The following RPL13 variants were observed in gnomAD, a reference collection of about 807,000 sequenced individuals.
The protein encoded by RPL13 is large ribosomal subunit protein eL13.
In RPL13, 1 loss-of-function variant was observed where a neutral mutation model predicts 21.4. The observed-to-expected ratio is 0.05, with a 90% CI of 0.02 to 0.22. The LOEUF (loss-of-function observed/expected upper bound fraction) is 0.22. Ranked by LOEUF, RPL13 falls within the 10% of genes least tolerant of loss-of-function variation. RPL13 has a pLI of 1.00. For missense variants in RPL13, 289 were observed against 303.0 expected (o/e 0.95, Z 0.34); for synonymous variants, 143 against 120.5 (o/e 1.19, Z -1.23).
chr16:89,561,160 A>G (rs1405737468), intron 2 of RPL13, 67 bp from the exon 3 acceptor site: 11 of 1,512,302 alleles, frequency 7.3e-6, no homozygotes, highest in East Asian at 5.0e-5. Flanking sequence ...GCTGTCTGCA[A>G]CCGTCGCGGA....
In RPL13 at chr16:89,562,463, G is replaced by A. The variant is rs187024112; in HGVS notation, c.477+72G>A. Reference sequence around the variant, plus strand: ...GTGAACACGTGGGTATCTGAGATGCGGGTGATGGGGGTCAGGCTTAAGAAC... The same window carrying A: ...GTGAACACGTGGGTATCTGAGATGCAGGTGATGGGGGTCAGGCTTAAGAAC... On this transcript the variant is annotated intron_variant, in intron 5 of 5. Coordinates refer to ENST00000311528, the MANE Select transcript of RPL13 (RefSeq NM_000977.4). 835 of 1,412,748 alleles carry A rather than the reference G, an allele frequency of 5.9e-4. No homozygotes were observed. Among genetic ancestry groups the A allele is most frequent in the Non-Finnish European group, 7.3e-4 (745 of 1,021,382 alleles). 87.5% of individuals were successfully genotyped at this position (1,412,748 alleles called of 1,614,324 possible).
At position 89,563,452 on chromosome 16, in the gene RPL13, A is replaced by AC. The variant is rs1567942159; in HGVS notation, c.*411dup. 39 of 153,024 alleles carry AC rather than the reference A, an allele frequency of 2.5e-4. No homozygotes were observed. The highest frequency in any genetic ancestry group is 3.3e-3 in the Middle Eastern group (1 of 302). The allele number at this position is 153,024 out of a possible 1,614,324, so 9.5% of individuals were successfully genotyped here. On this transcript the variant is annotated 3_prime_UTR_variant, in exon 6 of 6. Transcript: ENST00000311528. ...AGAAATCAGCCATGCTTGGTGCTGCACACTTGTAGTTGCAGCTCCTGGGAG... is the reference window on the plus strand; with the variant it reads ...AGAAATCAGCCATGCTTGGTGCTGCACCACTTGTAGTTGCAGCTCCTGGGAG...
At chr16:89,562,579 G>A in intron 5 of RPL13, 188 bp downstream of exon 5, 1 of 601,720 alleles carries the variant, frequency 1.7e-6, no homozygotes, top group Non-Finnish European at 2.8e-6. Context: ...CCATACATTG[G>A]GAAGTATTTT....
At position 89,562,647 on chromosome 16, in the gene RPL13, A is replaced by G. The variant is rs2058753928; in HGVS notation, c.478-237A>G. The G allele has an allele frequency of 7.0e-6, 4 of 572,900 alleles. No homozygotes were observed. In the South Asian group the frequency reaches 1.0e-4, roughly 14 times the overall value. The allele number at this position is 572,900 out of a possible 1,614,324, so 35.5% of individuals were successfully genotyped here. A position where few individuals can be genotyped will look rare whatever the true frequency, so the allele number is the denominator to read the frequency against. On this transcript the variant is annotated intron_variant, in intron 5 of 5. Coordinates refer to ENST00000311528, the MANE Select transcript of RPL13 (RefSeq NM_000977.4). ...AAGAGAGTTTCTCTATGCTGCTTAC[A>G]TTGGTTTTGAATTGCTGGGTTTACA...
At chr16:89,561,492 CCATCTGATTG>C (rs1040064204) in intron 3 of RPL13, 76 bp from the exon 4 acceptor site, 10 of 1,612,122 alleles carry the variant, frequency 6.2e-6, no homozygotes, top group Non-Finnish European at 7.6e-6. Flanking sequence ...GAACCCTTTT[CCATCTGATTG>C]CTGAGGCTTT....
intron 4 of RPL13, 154 bp from the exon 5 acceptor site, chr16:89,562,181 G>A: frequency 1.4e-6 from 1 of 714,970 alleles, no homozygotes; most frequent in Non-Finnish European, 2.4e-6. Context: ...AATAAGGACT[G>A]TTCTTAACAT....
At chr16:89,564,839 AG>A (rs111657461), downstream of RPL13, 1,606 of 153,138 alleles carry the variant, frequency 0.01, 20 homozygotes, top group African/African-American at 0.032. Flanking sequence ...CACTAGGGGA[AG>A]GGCCTTTCCT....
In RPL13 at chr16:89,560,717, G is replaced by C; in HGVS notation, c.-21+5G>C. 1 of 460,368 alleles carries C rather than the reference G, an allele frequency of 2.2e-6. No individual in the cohort carries two copies. The highest frequency in any genetic ancestry group is 4.3e-5 in the Admixed American group (1 of 23,052). 28.5% of individuals were successfully genotyped at this position (460,368 alleles called of 1,614,324 possible). Reference sequence around the variant, plus strand: ...GGCTGTTTTCCTGCGCAGGAGGTGAGGGAGACTGGGTCCTGGCCTTTGGGC... The same window carrying C: ...GGCTGTTTTCCTGCGCAGGAGGTGACGGAGACTGGGTCCTGGCCTTTGGGC... On this transcript the variant is annotated splice_donor_5th_base_variant and intron_variant, in intron 1 of 5. Coordinates refer to ENST00000311528, the MANE Select transcript of RPL13 (RefSeq NM_000977.4).
chr16:89,562,223 C>CAG (rs2058750452), intron 4 of RPL13, 112 bp from the exon 5 acceptor site: 1 of 969,344 alleles, frequency 1.0e-6, no homozygotes, highest in African/African-American at 1.6e-5. Flanking sequence ...AGAAAAGGCT[C>CAG]AGACACTGGT....
rs1467291434 is a variant in RPL13 at position 89,561,269 on chromosome 16, C to T, written c.147C>T (p.Arg49=). 7 of 1,557,496 alleles carry T rather than the reference C, an allele frequency of 4.5e-6. No individual in the cohort carries two copies. The highest frequency in any genetic ancestry group is 6.1e-6 in the Non-Finnish European group (7 of 1,156,614). Residue 49 remains arginine, a synonymous_variant, in exon 3 of 6, where the codon CGC becomes CGT. Transcript: ENST00000311528. The part of the protein sequence containing the change: ...RQAKARRIAP[R]PASGPIRPIV... ...CCAAGGCGCGCCGCATCGCCCCGCG[C>T]CCCGCGTCGGGTCCCATCCGGCCCA...
intron 4 of RPL13, 74 bp from the exon 5 acceptor site, chr16:89,562,261 T>G: frequency 6.9e-7 from 1 of 1,445,308 alleles, no homozygotes; most frequent in Non-Finnish European, 9.7e-7. Context: ...CAGGGGAAAG[T>G]TTGGGGCCAG....
Position 89,563,741 on chromosome 16 carries a change from T to C in RPL13, c.*699T>C, listed in dbSNP as rs1184114798. 1.3e-5 allele frequency: 2 copies of C among 152,182 alleles called. No homozygotes were observed. The highest frequency in any genetic ancestry group is 2.9e-5 in the Non-Finnish European group (2 of 68,048). 9.4% of individuals were successfully genotyped at this position (152,182 alleles called of 1,614,324 possible). On this transcript the variant is annotated 3_prime_UTR_variant, in exon 6 of 6. Coordinates refer to ENST00000311528, the MANE Select transcript of RPL13 (RefSeq NM_000977.4). The stretch of plus-strand genomic sequence containing the variant: ...TGCACCCAACCTAGAGTTGCCTTTT[T>C]TAAGCAAAGCAGTTTCTAGTTAATG...
chr16:89,565,493 C>G (rs1213812110), downstream of RPL13: 2 of 152,272 alleles, frequency 1.3e-5, no homozygotes, highest in African/African-American at 4.8e-5. Flanking sequence ...ACGGGCCTGT[C>G]TGCTCCAAGA....
At chr16:89,565,797 G>A (rs1196686541), downstream of RPL13, 2 of 152,260 alleles carry the variant, frequency 1.3e-5, no homozygotes, top group Non-Finnish European at 2.9e-5. Context: ...GCCATGGCGT[G>A]GGTCACTGGG....
rs1226986564 is a variant in RPL13, at chr16:89,563,194, C to T, written c.*152C>T. 4.6e-6 allele frequency: 3 copies of T among 651,286 alleles called. No individual in the cohort carries two copies. Among genetic ancestry groups the T allele is most frequent in the East Asian group, 6.9e-5 (2 of 29,078 alleles). 40.3% of individuals were successfully genotyped at this position (651,286 alleles called of 1,614,324 possible). A position where few individuals can be genotyped will look rare whatever the true frequency, so the allele number is the denominator to read the frequency against. Reference sequence around the variant, plus strand: ...GCTTTCTTGAAAGACAGTCCAAGCCCTGGATAATGCTTTACTTTCTGTGTT... The same window carrying T: ...GCTTTCTTGAAAGACAGTCCAAGCCTTGGATAATGCTTTACTTTCTGTGTT... On this transcript the variant is annotated 3_prime_UTR_variant, in exon 6 of 6. Coordinates refer to ENST00000311528, the MANE Select transcript of RPL13 (RefSeq NM_000977.4).
chr16:89,564,928 A>T (rs527916798), downstream of RPL13: 1 of 152,304 alleles, frequency 6.6e-6, no homozygotes, highest in Non-Finnish European at 1.5e-5. Context: ...GCCCCATCAC[A>T]CCGCCTTGCT....
chr16:89,562,488 C>G, intron 5 of RPL13, 97 bp downstream of exon 5: 4 of 1,165,636 alleles, frequency 3.4e-6, no homozygotes, highest in Non-Finnish European at 4.9e-6. Context: ...GGCTTAAGAA[C>G]GTTAATAGTG....
chr16:89,561,527 G>A, intron 3 of RPL13, 51 bp from the exon 4 acceptor site: 1 of 1,613,098 alleles, frequency 6.2e-7, no homozygotes, highest in Non-Finnish European at 8.5e-7. Flanking sequence ...CCAGGCCTCG[G>A]GGCTGGAGAA....
chr16:89,562,237 G>A, intron 4 of RPL13, 98 bp from the exon 5 acceptor site: 1 of 1,172,714 alleles, frequency 8.5e-7, no homozygotes, highest in African/African-American at 1.5e-5. Flanking sequence ...CACTGGTCCT[G>A]AACACGGAAT....
Sources: gnomAD v4.1 joint callset for allele counts on GRCh38, gnomAD v4.1.1 for gene constraint, MANE v1.5 for transcripts, NCBI Gene and HGNC (gene_info 2026-07-23, HGNC 2026-07-21) for gene names.